The following ERGIC2 variants were observed in gnomAD, a reference collection of about 807,000 sequenced individuals.
The protein encoded by ERGIC2 is ERGIC and golgi 2, also known as endoplasmic reticulum-Golgi intermediate compartment protein 2.
A neutral mutation model predicts 52.5 loss-of-function variants in ERGIC2; 31 were observed. The ratio of observed to expected loss-of-function variants is 0.59; its 90% CI spans 0.44 to 0.80. ERGIC2 has a LOEUF of 0.80. ERGIC2 is among the 30% of genes least tolerant of loss of function. The pLI is 0.00. For missense variants in ERGIC2, 395 were observed against 455.2 expected (o/e 0.87, Z 1.20); for synonymous variants, 129 against 140.6 (o/e 0.92, Z 0.58).
chr12:29,365,280 AAAG>A (rs1277723419), intron 5 of ERGIC2, among the ~76,000 whole-genome samples: 1 of 152,168 alleles, frequency 6.6e-6, no homozygotes, highest in African/African-American at 2.4e-5. Flanking sequence ...CAGCCATAAA[AAAG>A]AAGAAACTTT....
intron 8 of ERGIC2, 70 bp downstream of exon 8, chr12:29,356,312 C>T (rs538009429): frequency 1.7e-5 from 16 of 919,808 alleles, no homozygotes; most frequent in East Asian, 5.0e-5. Flanking sequence ...CGCGAGCCAT[C>T]GGCCAGAATT....
At position 29,356,480 on chromosome 12, in the gene ERGIC2, G is replaced by C. The variant is rs779744074; in HGVS notation, c.477-3C>G. ...GAGACTGTGATGAATCATCTTCTCT[G>C]TTAAAATAAGATATATTATTTAAAG... On this transcript the variant is annotated splice_region_variant and splice_polypyrimidine_tract_variant and intron_variant, in intron 7 of 13. Transcript: ENST00000360150. 1 of 1,497,330 alleles carries C rather than the reference G, an allele frequency of 6.7e-7. No homozygotes were observed. Among genetic ancestry groups the C allele is most frequent in the Non-Finnish European group, 9.3e-7 (1 of 1,075,234 alleles). The allele number at this position is 1,497,330 out of a possible 1,614,324, so 92.8% of individuals were successfully genotyped here.
chr12:29,348,599 T>C (rs534232821), intron 10 of ERGIC2, among the ~76,000 whole-genome samples: 22 of 152,122 alleles, frequency 1.4e-4, no homozygotes, highest in Non-Finnish European at 2.5e-4. Context: ...TCTATGTTAA[T>C]AACCAAACCA....
At chr12:29,358,929 C>T (rs1015566784) in intron 6 of ERGIC2, among the ~76,000 whole-genome samples, 19 of 151,826 alleles carry the variant, frequency 1.3e-4, no homozygotes, top group Admixed American at 8.5e-4. Flanking sequence ...TCTGAAATCT[C>T]GACATAAAAA....
intron 10 of ERGIC2, among the ~76,000 whole-genome samples, chr12:29,347,861 C>T (rs1205351790): frequency 6.6e-6 from 1 of 152,096 alleles, no homozygotes; most frequent in Admixed American, 6.6e-5. Flanking sequence ...ACTCTAAATA[C>T]CTCTTAGTTT....
At chr12:29,364,833 G>A (rs540865360) in intron 5 of ERGIC2, among the ~76,000 whole-genome samples, 1 of 151,720 alleles carries the variant, frequency 6.6e-6, no homozygotes, top group South Asian at 2.1e-4. Context: ...TATACAAGTG[G>A]TCAACAAACA....
intron 6 of ERGIC2, 101 bp downstream of exon 6, chr12:29,361,544 C>T: frequency 2.4e-6 from 2 of 824,908 alleles, no homozygotes; most frequent in East Asian, 2.8e-5. Context: ...AGAATTCATC[C>T]AAAGAAATCC....
At chr12:29,342,434 T>G (rs1481117537) in intron 12 of ERGIC2, among the ~76,000 whole-genome samples, 1 of 152,252 alleles carries the variant, frequency 6.6e-6, no homozygotes, top group Non-Finnish European at 1.5e-5. Flanking sequence ...AAAGAAAAGC[T>G]ATTCATTCAT....
intron 10 of ERGIC2, among the ~76,000 whole-genome samples, chr12:29,346,823 T>C (rs1940059656): frequency 6.6e-6 from 1 of 152,194 alleles, no homozygotes; most frequent in African/African-American, 2.4e-5. Flanking sequence ...ATATAAAACA[T>C]GTTAATTCTC....
In ERGIC2 at chr12:29,341,813, A is replaced by G; in HGVS notation, c.992T>C (p.Met331Thr). ...IVGGIFSTTG[M>T]LHGIGKFIVE... is the part of the protein sequence containing the mutation. ...TATAAATTTTCCAATTCCATGTAAC[A>G]TGCCTGTAATAAACAATAAGTTTAT... Residue 331 changes from methionine to threonine, a missense_variant, in exon 13 of 14, where the codon ATG becomes ACG. By Grantham distance (81) the Met-to-Thr change is moderately conservative (BLOSUM62 -1). Transcript: ENST00000360150. 6.7e-7 allele frequency: 1 copy of G among 1,491,868 alleles called. No homozygotes were observed. Among genetic ancestry groups the G allele is most frequent in the Non-Finnish European group, 9.4e-7 (1 of 1,068,888 alleles). The allele number at this position is 1,491,868 out of a possible 1,614,324, so 92.4% of individuals were successfully genotyped here.
At chr12:29,348,365 C>T (rs966713509) in intron 10 of ERGIC2, among the ~76,000 whole-genome samples, 1 of 152,142 alleles carries the variant, frequency 6.6e-6, no homozygotes, top group Middle Eastern at 3.4e-3. Context: ...ACTAGCTGAA[C>T]AAGCTTCAGA....
intron 11 of ERGIC2, 124 bp downstream of exon 11, chr12:29,345,319 T>G (rs1940030806): frequency 1.5e-6 from 1 of 645,414 alleles, no homozygotes; most frequent in Non-Finnish European, 2.7e-6. Flanking sequence ...ATTTCAAAAC[T>G]TCCACAGATT....
At chr12:29,353,030 C>T (rs1385154644) in intron 8 of ERGIC2, among the ~76,000 whole-genome samples, 3 of 152,184 alleles carry the variant, frequency 2.0e-5, no homozygotes, top group Non-Finnish European at 4.4e-5. Flanking sequence ...AATTAACTGT[C>T]TGTTACCATT....
Position 29,343,129 on chromosome 12 carries a change from A to G in ERGIC2, c.979T>C (p.Ser327Pro). The G allele has an allele frequency of 6.3e-7, 1 of 1,595,072 alleles. No individual in the cohort carries two copies. Among genetic ancestry groups the G allele is most frequent in the Admixed American group, 1.7e-5 (1 of 57,286 alleles). ...RLCGIVGGIF[S>P]TTGMLHGIGK... The stretch of plus-strand genomic sequence containing the variant: ...GGAAATGGTTGTTAACCTGTTGTTG[A>G]AAAGATTCCTCCAACAATACCACAG... Residue 327 changes from serine (S) to proline (P), a missense_variant, in exon 12 of 14, where the codon TCA becomes CCA. By Grantham distance (74) the Ser-to-Pro change is moderately conservative (BLOSUM62 -1). Transcript: ENST00000360150.
At chr12:29,359,886 A>G (rs1483244870) in intron 6 of ERGIC2, among the ~76,000 whole-genome samples, 1 of 152,114 alleles carries the variant, frequency 6.6e-6, no homozygotes, top group Non-Finnish European at 1.5e-5. Flanking sequence ...GGAAGCACTT[A>G]TAACAAAGTA....
At chr12:29,360,840 G>C (rs1565540856) in intron 6 of ERGIC2, among the ~76,000 whole-genome samples, 1 of 151,346 alleles carries the variant, frequency 6.6e-6, no homozygotes, top group Non-Finnish European at 1.5e-5. Context: ...GGCTTCCCTG[G>C]GCCACACTGT....
rs1031050086 is a variant in ERGIC2, at chr12:29,339,751, A to T, written c.*1405T>A. The T allele has an allele frequency of 2.6e-5, 4 of 152,032 alleles. No homozygotes were observed. The highest frequency in any genetic ancestry group is 9.7e-5 in the African/African-American group (4 of 41,426). 9.4% of individuals were successfully genotyped at this position (152,032 alleles called of 1,614,324 possible). A position where few individuals can be genotyped will look rare whatever the true frequency, so the allele number is the denominator to read the frequency against. On this transcript the variant is annotated 3_prime_UTR_variant, in exon 14 of 14. Coordinates refer to ENST00000360150, the MANE Select transcript of ERGIC2 (RefSeq NM_016570.3). Reference sequence around the variant, plus strand: ...TTATATTGTTTATCCTGTTTTCATAAATTTATCTTTAAAAAAATCCATTTG... The same window carrying T: ...TTATATTGTTTATCCTGTTTTCATATATTTATCTTTAAAAAAATCCATTTG...
chr12:29,352,747 G>A (rs1016194515), intron 8 of ERGIC2, among the ~76,000 whole-genome samples: 3 of 152,140 alleles, frequency 2.0e-5, no homozygotes, highest in African/African-American at 4.8e-5. Flanking sequence ...TAGTAGGCTG[G>A]ATTTGGTATA....
rs1470690567 is a variant in ERGIC2, at chr12:29,339,107, G to T, written c.*2049C>A. 1 of 152,110 alleles carries T rather than the reference G, an allele frequency of 6.6e-6. No homozygotes were observed. Among genetic ancestry groups the T allele is most frequent in the Non-Finnish European group, 1.5e-5 (1 of 68,026 alleles). 9.4% of individuals were successfully genotyped at this position (152,110 alleles called of 1,614,324 possible). On this transcript the variant is annotated 3_prime_UTR_variant, in exon 14 of 14. Coordinates refer to ENST00000360150, the MANE Select transcript of ERGIC2 (RefSeq NM_016570.3). ...CATTGCCAAAAATCTGACTCTATTT[G>T]AGGAGTTTCAGATGGAAGCCTTTAA...
Sources: gnomAD v4.1 joint callset for allele counts (sites outside exome capture counted in the v4.1 genomes callset) on GRCh38, gnomAD v4.1.1 for gene constraint, MANE v1.5 for transcripts, NCBI Gene and HGNC (gene_info 2026-07-23, HGNC 2026-07-21) for gene names.